ERC2: variants seen among roughly 807,000 people sequenced by gnomAD.
ERC2 encodes ELKS/RAB6-interacting/CAST family member 2.
A neutral mutation model predicts 114.8 loss-of-function variants in ERC2; 42 were observed. That is an observed-to-expected ratio of 0.37 (90% CI 0.29 to 0.47). The LOEUF (loss-of-function observed/expected upper bound fraction) is 0.47, where lower values mean the gene tolerates loss of function less well. Among genes scored for constraint, ERC2 ranks in the 20% least tolerant of loss-of-function variants. The pLI, the probability that ERC2 is intolerant of heterozygous loss-of-function variation, is 0.99. For synonymous variants in ERC2, 454 were observed against 425.5 expected (o/e 1.07, Z -0.82); for missense variants, 939 against 1,150.7 (o/e 0.82, Z 2.66).
intron 1 of ERC2, among the ~76,000 whole-genome samples, chr3:56,441,412 C>T (rs1288638984): frequency 6.6e-6 from 1 of 152,136 alleles, no homozygotes; most frequent in Non-Finnish European, 1.5e-5. Context: ...TTATTTAAAG[C>T]CCCACTCCAA....
chr3:56,362,968 G>A (rs977176777), intron 2 of ERC2, among the ~76,000 whole-genome samples: 5 of 152,184 alleles, frequency 3.3e-5, no homozygotes, highest in South Asian at 2.1e-4. Context: ...TCTCCTTTGG[G>A]AGGGGTACAC....
intron 3 of ERC2, among the ~76,000 whole-genome samples, chr3:56,220,256 A>T (rs1407431485): frequency 1.3e-5 from 2 of 152,168 alleles, no homozygotes; most frequent in Non-Finnish European, 2.9e-5. Context: ...AGGTTCTGTT[A>T]CGTCATGCCA....
intron 14 of ERC2, among the ~76,000 whole-genome samples, chr3:55,876,544 G>T (rs1341219888): frequency 6.6e-6 from 1 of 152,206 alleles, no homozygotes; most frequent in East Asian, 1.9e-4. Context: ...GGAACAAATG[G>T]TAAGGAGAAA....
chr3:55,858,536 A>C (rs2061888354), intron 14 of ERC2, among the ~76,000 whole-genome samples: 1 of 152,244 alleles, frequency 6.6e-6, no homozygotes, highest in Admixed American at 6.5e-5. Flanking sequence ...ACAATGAAAC[A>C]GAAGATAGGT....
At chr3:55,556,543 C>G (rs1389153065) in intron 17 of ERC2, among the ~76,000 whole-genome samples, 2 of 152,226 alleles carry the variant, frequency 1.3e-5, no homozygotes, top group African/African-American at 2.4e-5. Flanking sequence ...TGCAGTGATT[C>G]AATCAAATCC....
chr3:55,566,297 C>A (rs994684079), intron 17 of ERC2, among the ~76,000 whole-genome samples: 1 of 152,160 alleles, frequency 6.6e-6, no homozygotes, highest in African/African-American at 2.4e-5. Context: ...GTACTAAGTG[C>A]CAGGTACTAT....
chr3:56,152,919 T>A (rs1033125532), intron 4 of ERC2, among the ~76,000 whole-genome samples: 5 of 152,152 alleles, frequency 3.3e-5, no homozygotes, highest in Non-Finnish European at 7.3e-5. Flanking sequence ...ACACTGGAAT[T>A]GAACCCCAGA....
At chr3:55,677,411 C>A (rs762353263) in intron 17 of ERC2, among the ~76,000 whole-genome samples, 5 of 152,082 alleles carry the variant, frequency 3.3e-5, no homozygotes, top group Non-Finnish European at 5.9e-5. Flanking sequence ...CTTTTACCTC[C>A]CAAATTCAAC....
chr3:56,304,661 C>T (rs2056104702), intron 2 of ERC2, among the ~76,000 whole-genome samples: 1 of 152,126 alleles, frequency 6.6e-6, no homozygotes, highest in African/African-American at 2.4e-5. Context: ...AAAGGTAATA[C>T]ATCATGCCCA....
chr3:56,311,249 CTCTCTCTATA>C (rs1486142989), intron 2 of ERC2, among the ~76,000 whole-genome samples: 5 of 41,942 alleles, frequency 1.2e-4, no homozygotes, highest in African/African-American at 3.8e-4. Flanking sequence ...CTCTCTCTCT[CTCTCTCTATA>C]TATATATATA....
At chr3:56,010,671 C>A in intron 8 of ERC2, 82 bp from the exon 9 acceptor site, 2 of 1,438,088 alleles carry the variant, frequency 1.4e-6, no homozygotes, top group South Asian at 2.9e-5. Flanking sequence ...AAATAAGAGG[C>A]AGTACATCTA....
intron 2 of ERC2, among the ~76,000 whole-genome samples, chr3:56,326,256 TGGACACACA>T (rs2057356135): frequency 6.6e-6 from 1 of 152,134 alleles, no homozygotes; most frequent in Non-Finnish European, 1.5e-5. Context: ...GGAAGCACAG[TGGACACACA>T]GGAAGAGTGC....
intron 13 of ERC2, among the ~76,000 whole-genome samples, chr3:55,904,690 A>C (rs188116877): frequency 4.0e-4 from 61 of 152,306 alleles, no homozygotes; most frequent in Non-Finnish European, 7.5e-4. Context: ...TCTACTCTTC[A>C]GTGAAGAAAG....
intron 14 of ERC2, among the ~76,000 whole-genome samples, chr3:55,775,537 AAAATAAATAAAT>A (rs10659476): frequency 0.062 from 8,228 of 133,264 alleles, 380 homozygotes; most frequent in South Asian, 0.16. Context: ...ACCCTGTCTC[AAAATAAATAAAT>A]AAATAAATAA....
chr3:56,040,575 GTATACA>G (rs1214246976), intron 7 of ERC2, among the ~76,000 whole-genome samples: 11 of 10,738 alleles, frequency 1.0e-3, no homozygotes, highest in African/African-American at 2.6e-3. Context: ...ATGTATATAT[GTATACA>G]TATACATATA....
chr3:56,050,689 T>C (rs546125917), intron 7 of ERC2, among the ~76,000 whole-genome samples: 54 of 152,294 alleles, frequency 3.5e-4, no homozygotes, highest in African/African-American at 1.3e-3. Context: ...TCAACACCTG[T>C]ACTGCTTCAT....
In ERC2 at chr3:56,235,575, T is replaced by C. The variant is rs189153204; in HGVS notation, c.1074+60444A>G. Among the ~76,000 whole-genome samples, 426 of 152,248 alleles carry C rather than the reference T, an allele frequency of 2.8e-3. 1 individual carries two copies. Among genetic ancestry groups the C allele is most frequent in the African/African-American group, 9.8e-3 (407 of 41,548 alleles). On this transcript the variant is annotated intron_variant, in intron 3 of 17. Transcript: ENST00000288221. ...TTTTGATAGGGCATATGGTTTCTGG[T>C]TTTCCACCATTCTCAACACTCCCTT...
At chr3:55,684,315 C>T (rs1372373584) in intron 16 of ERC2, among the ~76,000 whole-genome samples, 1 of 147,796 alleles carries the variant, frequency 6.8e-6, no homozygotes, top group East Asian at 2.1e-4. Context: ...AAAACACACA[C>T]ACACACGCAC....
intron 6 of ERC2, among the ~76,000 whole-genome samples, chr3:56,127,717 T>A (rs2079956964): frequency 6.8e-6 from 1 of 146,888 alleles, no homozygotes. Flanking sequence ...AGCAAAACTC[T>A]GTCTCAAAAG....
Sources: gnomAD v4.1 joint callset for allele counts (sites outside exome capture counted in the v4.1 genomes callset) on GRCh38, gnomAD v4.1.1 for gene constraint, MANE v1.5 for transcripts, NCBI Gene and HGNC (gene_info 2026-07-23, HGNC 2026-07-21) for gene names.